Variants in PTPRC observed in about 807,000 individuals in gnomAD.
PTPRC encodes receptor-type tyrosine-protein phosphatase C.
A neutral mutation model predicts 155.9 loss-of-function variants in PTPRC; 44 were observed. The observed-to-expected ratio is 0.28, with a 90% confidence interval of 0.22 to 0.36. The LOEUF is 0.36. Among genes scored for constraint, PTPRC ranks in the 10% least tolerant of loss-of-function variants. The probability of loss-of-function intolerance (pLI) is 1.00; values close to 1 mark genes in which losing one functional copy is unlikely to be tolerated. For synonymous variants in PTPRC, 525 were observed against 533.1 expected (o/e 0.98, Z 0.21); for missense variants, 1,401 against 1,564.6 (o/e 0.90, Z 1.76).
chr1:198,735,105 T>G, intron 22 of PTPRC, 22 bp from the exon 23 acceptor site: 5 of 1,551,056 alleles, frequency 3.2e-6, no homozygotes, highest in Non-Finnish European at 4.4e-6. Context: ...ATTAAAATAC[T>G]TAATAATTTT....
chr1:198,722,098 A>G, intron 14 of PTPRC, among the ~76,000 whole-genome samples: 1 of 151,194 alleles, frequency 6.6e-6, no homozygotes, highest in Middle Eastern at 3.5e-3. Flanking sequence ...AGGGAATTTT[A>G]ACTTTATGAA....
chr1:198,693,969 G>A lies in PTPRC; in HGVS notation c.100+1596G>A, dbSNP rs777989623. ...TAATAGGTTAGATGTGTATATGAGGGGTAGTTTATGTGATTGACACACAAT... is the reference window on the plus strand; with the variant it reads ...TAATAGGTTAGATGTGTATATGAGGAGTAGTTTATGTGATTGACACACAAT... On this transcript the variant is annotated intron_variant, in intron 3 of 32. Transcript: ENST00000442510. 2.4e-4 allele frequency: 360 copies of A among 1,531,320 alleles called. 1 individual carries two copies. The highest frequency in any genetic ancestry group is 4.0e-4 in the South Asian group (32 of 79,418). 94.9% of individuals were successfully genotyped at this position (1,531,320 alleles called of 1,614,324 possible).
chr1:198,705,803 C>G (rs1169017612), intron 8 of PTPRC, among the ~76,000 whole-genome samples: 1 of 152,172 alleles, frequency 6.6e-6, no homozygotes, highest in Non-Finnish European at 1.5e-5. Flanking sequence ...GAATTCTGCT[C>G]CAACCTCATC....
chr1:198,641,899 C>T (rs1662606227), intron 2 of PTPRC, among the ~76,000 whole-genome samples: 1 of 152,010 alleles, frequency 6.6e-6, no homozygotes, highest in African/African-American at 2.4e-5. Context: ...ATGTTATAAA[C>T]ATGGACTGTG....
Position 198,756,370 on chromosome 1 carries a change from G to A in PTPRC, c.*189G>A, listed in dbSNP as rs894590894. 1.9e-5 allele frequency: 14 copies of A among 742,578 alleles called. No homozygotes were observed. Among genetic ancestry groups the A allele is most frequent in the African/African-American group, 1.4e-4 (8 of 56,130 alleles). The allele number at this position is 742,578 out of a possible 1,614,324, so 46.0% of individuals were successfully genotyped here. A position where few individuals can be genotyped will look rare whatever the true frequency, so the allele number is the denominator to read the frequency against. ...TTTTGCCAGAACAGTTTGTACAGACGTATGCTTATTTTAAAATTTTATCTC... is the reference window on the plus strand; with the variant it reads ...TTTTGCCAGAACAGTTTGTACAGACATATGCTTATTTTAAAATTTTATCTC... On this transcript the variant is annotated 3_prime_UTR_variant, in exon 33 of 33. Coordinates refer to ENST00000442510, the MANE Select transcript of PTPRC (RefSeq NM_002838.5).
chr1:198,684,205 AT>A (rs940565894), intron 2 of PTPRC, among the ~76,000 whole-genome samples: 9 of 150,946 alleles, frequency 6.0e-5, no homozygotes, highest in African/African-American at 1.9e-4. Context: ...GCCTTTATTA[AT>A]TTTTTTGTCA....
intron 2 of PTPRC, among the ~76,000 whole-genome samples, chr1:198,657,032 T>TTA: frequency 6.6e-6 from 1 of 150,884 alleles, no homozygotes. Flanking sequence ...TTTTTTTTAA[T>TTA]ACATATAGTG....
At chr1:198,710,157 T>C (rs1653219104) in intron 11 of PTPRC, among the ~76,000 whole-genome samples, 1 of 152,222 alleles carries the variant, frequency 6.6e-6, no homozygotes, top group South Asian at 2.1e-4. Context: ...TTTCATTTTG[T>C]TGCATATGGC....
rs1462973386 is a variant in PTPRC, at chr1:198,728,320, G to T, written c.1721-20G>T. ...GTTATTTGACAATCGTTCTCTGAAT[G>T]TATTATTTTTCATTTCTAGATAATT... On this transcript the variant is annotated intron_variant, in intron 15 of 32. Coordinates refer to ENST00000442510, the MANE Select transcript of PTPRC (RefSeq NM_002838.5). 3.1e-6 allele frequency: 5 copies of T among 1,588,242 alleles called. No individual in the cohort carries two copies. The Admixed American group carries it at 8.4e-5, about 27-fold the overall frequency.
chr1:198,651,863 T>C (rs1046906352), intron 2 of PTPRC, among the ~76,000 whole-genome samples: 2 of 151,808 alleles, frequency 1.3e-5, no homozygotes, highest in African/African-American at 2.4e-5. Flanking sequence ...GGAAGTAACA[T>C]TGAGTGTCTC....
intron 2 of PTPRC, chr1:198,679,611 C>G (rs1195757394): frequency 9.0e-6 from 2 of 222,100 alleles, no homozygotes; most frequent in Admixed American, 5.8e-5. Context: ...GAATTTGCCA[C>G]TGTGGCCTCC....
rs574923307 is a variant in PTPRC, at chr1:198,676,104, G to C, written c.74-16243G>C. ...ATGTGCTAAAAGACTTGTAAAAGTT[G>C]TTGTTGTTTTAATAACTAAGTCAAG... On this transcript the variant is annotated intron_variant, in intron 2 of 32. Transcript: ENST00000442510. 2.0e-5 allele frequency among the ~76,000 whole-genome samples: 3 copies of C among 151,560 alleles called. No individual in the cohort carries two copies. In the South Asian group the frequency reaches 6.2e-4, roughly 31 times the overall value.
At chr1:198,702,648 A>G in intron 6 of PTPRC, 118 bp downstream of exon 6, 4 of 1,412,920 alleles carry the variant, frequency 2.8e-6, no homozygotes, top group Non-Finnish European at 4.0e-6. Context: ...CCCATTTTAC[A>G]AATGTTCACG....
intron 2 of PTPRC, among the ~76,000 whole-genome samples, chr1:198,669,525 A>G (rs1664524526): frequency 1.3e-5 from 2 of 152,076 alleles, no homozygotes; most frequent in South Asian, 4.1e-4. Context: ...CACTTTTTAA[A>G]GTTTTCACTT....
intron 2 of PTPRC, among the ~76,000 whole-genome samples, chr1:198,643,302 C>T (rs991580061): frequency 4.1e-4 from 62 of 151,398 alleles, no homozygotes; most frequent in Non-Finnish European, 6.6e-4. Context: ...CTCATAGTTC[C>T]CATACCTAAT....
At chr1:198,737,036 T>TATTA (rs1654676029) in intron 23 of PTPRC, among the ~76,000 whole-genome samples, 1 of 151,734 alleles carries the variant, frequency 6.6e-6, no homozygotes, top group South Asian at 2.1e-4. Flanking sequence ...AAAATCAGAT[T>TATTA]ATTAGATTTT....
chr1:198,680,884 C>T (rs189148649), intron 2 of PTPRC, among the ~76,000 whole-genome samples: 1 of 152,192 alleles, frequency 6.6e-6, no homozygotes, highest in East Asian at 1.9e-4. Context: ...AATGCAGGAG[C>T]TTTGGATTCT....
chr1:198,670,265 A>C (rs568670276), intron 2 of PTPRC, among the ~76,000 whole-genome samples: 2 of 152,274 alleles, frequency 1.3e-5, no homozygotes, highest in East Asian at 3.9e-4. Context: ...GGAAGCCAAA[A>C]ATCTCCATGA....
intron 12 of PTPRC, among the ~76,000 whole-genome samples, chr1:198,713,981 T>G (rs1653439715): frequency 6.6e-6 from 1 of 152,186 alleles, no homozygotes; most frequent in Non-Finnish European, 1.5e-5. Context: ...AAAGCAAAGT[T>G]AAATATGCAT....
Sources: allele counts gnomAD v4.1 joint callset (sites outside exome capture counted in the v4.1 genomes callset), GRCh38; gene constraint gnomAD v4.1.1; transcripts MANE v1.5; gene names NCBI Gene and HGNC (gene_info 2026-07-23, HGNC 2026-07-21).